The following KCNH8 variants were observed in gnomAD, a reference collection of about 807,000 sequenced individuals.
KCNH8 encodes the protein potassium voltage-gated channel subfamily H member 8.
A neutral mutation model predicts 103.6 loss-of-function variants in KCNH8; 70 were observed. That is an observed-to-expected ratio of 0.68 (90% confidence interval 0.56 to 0.82). KCNH8 has a LOEUF of 0.82. Ranked by LOEUF, KCNH8 falls within the 40% of genes least tolerant of loss-of-function variation. The probability of loss-of-function intolerance (pLI) is 0.00; values close to 1 mark genes in which losing one functional copy is unlikely to be tolerated. For synonymous variants in KCNH8, 498 were observed against 489.4 expected (o/e 1.02, Z -0.23); for missense variants, 1,217 against 1,329.9 (o/e 0.92, Z 1.32).
intron 4 of KCNH8, among the ~76,000 whole-genome samples, chr3:19,346,293 G>C (rs2065727322): frequency 6.6e-6 from 1 of 152,014 alleles, no homozygotes; most frequent in African/African-American, 2.4e-5. Context: ...CCCCTTCTCT[G>C]TTTTATGCCA....
intron 5 of KCNH8, among the ~76,000 whole-genome samples, chr3:19,361,417 T>C (rs980967129): frequency 2.0e-5 from 3 of 152,102 alleles, no homozygotes; most frequent in African/African-American, 7.2e-5. Flanking sequence ...ACACCAGTAA[T>C]GTTCCCAATC....
intron 11 of KCNH8, among the ~76,000 whole-genome samples, chr3:19,478,839 C>G (rs1208645278): frequency 6.6e-6 from 1 of 152,026 alleles, no homozygotes; most frequent in Non-Finnish European, 1.5e-5. Context: ...CATACTGTCT[C>G]CTGAGCTACC....
At chr3:19,527,253 C>A (rs2069081449) in intron 15 of KCNH8, among the ~76,000 whole-genome samples, 1 of 152,014 alleles carries the variant, frequency 6.6e-6, no homozygotes, top group Admixed American at 6.6e-5. Context: ...AAAATTGTTA[C>A]TGGGAATGGC....
intron 11 of KCNH8, among the ~76,000 whole-genome samples, chr3:19,497,418 T>G (rs2068466774): frequency 6.6e-6 from 1 of 152,202 alleles, no homozygotes; most frequent in African/African-American, 2.4e-5. Context: ...GCCTTAGCTG[T>G]GTCCCAAAGA....
chr3:19,149,340 A>G (rs372575832), intron 1 of KCNH8, among the ~76,000 whole-genome samples: 21 of 152,202 alleles, frequency 1.4e-4, no homozygotes, highest in African/African-American at 4.8e-4. Flanking sequence ...CCTGCTTTTG[A>G]GCTAGAATAG....
chr3:19,372,288 T>C (rs1320636640), intron 5 of KCNH8, among the ~76,000 whole-genome samples: 2 of 151,806 alleles, frequency 1.3e-5, no homozygotes, highest in East Asian at 3.9e-4. Context: ...TTTATTTCCT[T>C]GAGCACTGGT....
intron 3 of KCNH8, among the ~76,000 whole-genome samples, chr3:19,325,167 A>G (rs746979949): frequency 4.6e-5 from 7 of 152,196 alleles, no homozygotes; most frequent in African/African-American, 9.7e-5. Context: ...TTGAAACTGG[A>G]CGTCTTCCTT....
intron 7 of KCNH8, among the ~76,000 whole-genome samples, chr3:19,430,961 T>G (rs1243015902): frequency 6.6e-6 from 1 of 152,198 alleles, no homozygotes; most frequent in African/African-American, 2.4e-5. Context: ...CTCTTTCTAT[T>G]TGAATACGCT....
chr3:19,481,454 G>A (rs2068085231), intron 11 of KCNH8, among the ~76,000 whole-genome samples: 1 of 152,052 alleles, frequency 6.6e-6, no homozygotes, highest in Non-Finnish European at 1.5e-5. Flanking sequence ...TTCATGTTGT[G>A]TAAAGGATAT....
chr3:19,418,392 A>T (rs545215186), intron 7 of KCNH8, among the ~76,000 whole-genome samples: 1 of 152,378 alleles, frequency 6.6e-6, no homozygotes, highest in Admixed American at 6.5e-5. Context: ...CTCATCTGAA[A>T]GAACTAATCA....
At chr3:19,222,144 C>T (rs138208614) in intron 1 of KCNH8, among the ~76,000 whole-genome samples, 231 of 152,252 alleles carry the variant, frequency 1.5e-3, no homozygotes, top group African/African-American at 5.0e-3. Flanking sequence ...CCACTGCGCC[C>T]GGCCTAGCAT....
intron 7 of KCNH8, among the ~76,000 whole-genome samples, chr3:19,414,467 C>T (rs977084523): frequency 2.6e-5 from 4 of 151,452 alleles, no homozygotes; most frequent in Non-Finnish European, 5.9e-5. Context: ...TCATAAACAC[C>T]ATGATTTTAA....
chr3:19,395,608 A>G (rs1261092063), intron 7 of KCNH8, among the ~76,000 whole-genome samples: 1 of 152,006 alleles, frequency 6.6e-6, no homozygotes, highest in Non-Finnish European at 1.5e-5. Context: ...CTTATCTTGA[A>G]ATGTTCCGAT....
chr3:19,337,464 C>T (rs2065599117), intron 3 of KCNH8, among the ~76,000 whole-genome samples: 1 of 151,950 alleles, frequency 6.6e-6, no homozygotes, highest in South Asian at 2.1e-4. Flanking sequence ...ATTAAATTAT[C>T]CTGCTTACTG....
chr3:19,302,565 A>C (rs1307558387), intron 3 of KCNH8, among the ~76,000 whole-genome samples: 2 of 152,146 alleles, frequency 1.3e-5, no homozygotes, highest in Non-Finnish European at 2.9e-5. Context: ...ACTTTCCCTC[A>C]CCAATCATCC....
At chr3:19,515,498 ATTTTT>A in intron 14 of KCNH8, 70 bp downstream of exon 14, 1 of 449,638 alleles carries the variant, frequency 2.2e-6, no homozygotes, top group Non-Finnish European at 3.7e-6. Flanking sequence ...TGTTATGGGC[ATTTTT>A]TTTTTTTTGC....
chr3:19,248,110 A>G (rs138258433), intron 1 of KCNH8, among the ~76,000 whole-genome samples: 1 of 152,338 alleles, frequency 6.6e-6, no homozygotes, highest in African/African-American at 2.4e-5. Context: ...AAAGGGTATA[A>G]TGAAAAATTC....
chr3:19,345,998 A>G (rs760061224), intron 4 of KCNH8, among the ~76,000 whole-genome samples: 73 of 152,044 alleles, frequency 4.8e-4, no homozygotes, highest in Non-Finnish European at 8.2e-4. Flanking sequence ...AGTTTTCCCA[A>G]ATCATTACCC....
In KCNH8 at chr3:19,441,669, C is replaced by CT. The variant is rs572692821; in HGVS notation, c.1375+3308_1375+3309insT. On this transcript the variant is annotated intron_variant, in intron 8 of 15. Transcript: ENST00000328405. The stretch of plus-strand genomic sequence containing the variant: ...TTGAAGTCTACCTTGATCAAGTAAG[C>CT]ATTCTTCTTAGGCTAAAGTTCTGTT... Among the ~76,000 whole-genome samples the CT allele has an allele frequency of 2.6e-3, 397 of 152,292 alleles. 4 individuals carry two copies. Among genetic ancestry groups the CT allele is most frequent in the African/African-American group, 9.1e-3 (378 of 41,548 alleles).
Sources: allele counts gnomAD v4.1 joint callset (sites outside exome capture counted in the v4.1 genomes callset), GRCh38; gene constraint gnomAD v4.1.1; transcripts MANE v1.5; gene names NCBI Gene and HGNC (gene_info 2026-07-23, HGNC 2026-07-21).